DCC: variants seen among roughly 807,000 people sequenced by gnomAD.
The protein encoded by DCC is netrin receptor DCC.
Under a neutral mutation model 172.5 loss-of-function variants are expected in DCC, and 58 were observed. The ratio of observed to expected loss-of-function variants is 0.34; its 90% confidence interval spans 0.27 to 0.42. DCC has a LOEUF of 0.42. DCC is among the 10% of genes least tolerant of loss of function. The pLI, the probability that DCC is intolerant of heterozygous loss-of-function variation, is 1.00. For synonymous variants in DCC, 709 were observed against 644.5 expected, an observed-to-expected ratio of 1.10 and a Z score of -1.52; for missense variants, 1,740 against 1,791.0, an observed-to-expected ratio of 0.97 and a Z score of 0.51.
intron 7 of DCC, among the ~76,000 whole-genome samples, chr18:53,112,117 C>T (rs2043342248): frequency 1.3e-5 from 2 of 151,264 alleles, no homozygotes; most frequent in Admixed American, 6.6e-5. Flanking sequence ...AACCAAAAAG[C>T]CTTCTAAATA....
chr18:53,387,794 T>C (rs569385044), intron 16 of DCC, among the ~76,000 whole-genome samples: 2 of 152,174 alleles, frequency 1.3e-5, no homozygotes, highest in African/African-American at 2.4e-5. Context: ...GACTTGGCAC[T>C]TGTGATCAGG....
chr18:53,022,625 A>G (rs2041897739), intron 5 of DCC, among the ~76,000 whole-genome samples: 1 of 151,930 alleles, frequency 6.6e-6, no homozygotes, highest in African/African-American at 2.4e-5. Context: ...TTTAAAAATT[A>G]TTACCATATT....
chr18:52,414,231 C>T (rs1986940036), intron 1 of DCC, among the ~76,000 whole-genome samples: 1 of 152,074 alleles, frequency 6.6e-6, no homozygotes, highest in South Asian at 2.1e-4. Context: ...CAGGTGCCCG[C>T]CACCATGCCT....
intron 1 of DCC, among the ~76,000 whole-genome samples, chr18:52,656,641 C>T (rs2035260228): frequency 6.6e-6 from 1 of 152,176 alleles, no homozygotes; most frequent in Admixed American, 6.5e-5. Flanking sequence ...AACAGTGAGA[C>T]TTGCCACAGT....
intron 1 of DCC, among the ~76,000 whole-genome samples, chr18:52,341,327 C>T (rs1412107437): frequency 6.6e-6 from 1 of 151,994 alleles, no homozygotes; most frequent in African/African-American, 2.4e-5. Flanking sequence ...GGGGCTGAGT[C>T]GTTGGTGTGT....
chr18:53,332,956 G>A (rs750169090), intron 14 of DCC, among the ~76,000 whole-genome samples: 9 of 152,060 alleles, frequency 5.9e-5, no homozygotes, highest in Non-Finnish European at 1.0e-4. Context: ...TGTGGTCCTA[G>A]CTACTCAGGA....
chr18:53,156,900 T>A (rs2144395698), intron 7 of DCC, among the ~76,000 whole-genome samples: 1 of 152,352 alleles, frequency 6.6e-6, no homozygotes, highest in East Asian at 1.9e-4. Context: ...ATTAATTACT[T>A]AAAATGATTT....
At chr18:52,483,128 T>G (rs2030037181) in intron 1 of DCC, among the ~76,000 whole-genome samples, 1 of 152,094 alleles carries the variant, frequency 6.6e-6, no homozygotes, top group Admixed American at 6.6e-5. Context: ...TGGCCTTCTC[T>G]CCTGTATCTC....
chr18:52,387,015 G>A (rs1236579797), intron 1 of DCC, among the ~76,000 whole-genome samples: 1 of 152,082 alleles, frequency 6.6e-6, no homozygotes. Flanking sequence ...AAAGGGCAGA[G>A]TAGCTAAGGT....
chr18:52,983,190 G>C (rs551117938), intron 5 of DCC, among the ~76,000 whole-genome samples: 1 of 152,240 alleles, frequency 6.6e-6, no homozygotes, highest in African/African-American at 2.4e-5. Flanking sequence ...GCTTCCCCGG[G>C]TAATTTTTCC....
At chr18:52,989,240 T>C (rs2041343367) in intron 5 of DCC, among the ~76,000 whole-genome samples, 1 of 152,136 alleles carries the variant, frequency 6.6e-6, no homozygotes, top group South Asian at 2.1e-4. Context: ...ATTGTTTCCT[T>C]GGCTGGGTGT....
intron 5 of DCC, among the ~76,000 whole-genome samples, chr18:53,039,967 G>A (rs1404693061): frequency 1.3e-5 from 2 of 151,946 alleles, no homozygotes; most frequent in African/African-American, 4.8e-5. Context: ...ACATGTGGGT[G>A]CTCAGTGGGT....
In DCC at chr18:53,516,435, A is replaced by G. The variant is rs374332324; in HGVS notation, c.4112-10182A>G. Among the ~76,000 whole-genome samples, 124 of 138,894 alleles carry G rather than the reference A, an allele frequency of 8.9e-4. 8 individuals are homozygous for G. Among genetic ancestry groups the G allele is most frequent in the African/African-American group, 3.8e-3 (113 of 29,948 alleles). 91.1% of individuals were successfully genotyped at this position (138,894 alleles called of 152,430 possible). A position where few individuals can be genotyped will look rare whatever the true frequency, so the allele number is the denominator to read the frequency against. On this transcript the variant is annotated intron_variant, in intron 27 of 28. Coordinates refer to ENST00000442544, the MANE Select transcript of DCC (RefSeq NM_005215.4). The stretch of plus-strand genomic sequence containing the variant: ...ACACCAAAAGCAATGGCAACAAAAG[A>G]CAAAATTGACAAATGGGATCTAATT...
intron 1 of DCC, among the ~76,000 whole-genome samples, chr18:52,512,829 T>C (rs1208102817): frequency 6.6e-6 from 1 of 152,170 alleles, no homozygotes; most frequent in Admixed American, 6.5e-5. Context: ...GGTCCACATC[T>C]CATTAGATGT....
Position 53,103,009 on chromosome 18 carries a change from G to A in DCC, c.1261+36843G>A, listed in dbSNP as rs111990962. On this transcript the variant is annotated intron_variant, in intron 7 of 28. Coordinates refer to ENST00000442544, the MANE Select transcript of DCC (RefSeq NM_005215.4). ...AAACATGAAATGCTTAGGGTTAGTTGCTAAGGGATGGTTAGCTCACAGTTT... is the reference window on the plus strand; with the variant it reads ...AAACATGAAATGCTTAGGGTTAGTTACTAAGGGATGGTTAGCTCACAGTTT... 9.6e-3 allele frequency among the ~76,000 whole-genome samples: 1,465 copies of A among 152,198 alleles called. 33 individuals carry two copies. The highest frequency in any genetic ancestry group is 0.033 in the African/African-American group (1,362 of 41,552).
At chr18:52,397,285 C>T (rs972696862) in intron 1 of DCC, among the ~76,000 whole-genome samples, 1 of 151,972 alleles carries the variant, frequency 6.6e-6, no homozygotes, top group Non-Finnish European at 1.5e-5. Context: ...AGATCTGATG[C>T]TGCATTCTGG....
intron 1 of DCC, among the ~76,000 whole-genome samples, chr18:52,638,005 C>A (rs965073848): frequency 1.4e-4 from 22 of 152,148 alleles, no homozygotes; most frequent in African/African-American, 5.3e-4. Flanking sequence ...GGATTGGGGC[C>A]CTATCTTCAG....
chr18:52,573,590 T>TA (rs1315452296), intron 1 of DCC, among the ~76,000 whole-genome samples: 1 of 152,196 alleles, frequency 6.6e-6, no homozygotes, highest in Non-Finnish European at 1.5e-5. Context: ...TCATTTCTGT[T>TA]CGTTCTCTTT....
At chr18:52,541,308 C>T (rs578256588) in intron 1 of DCC, among the ~76,000 whole-genome samples, 1 of 152,206 alleles carries the variant, frequency 6.6e-6, no homozygotes, top group African/African-American at 2.4e-5. Flanking sequence ...AGCAATTGAG[C>T]TCAGAGCTGT....
Sources: gnomAD v4.1 joint callset for allele counts (sites outside exome capture counted in the v4.1 genomes callset) on GRCh38, gnomAD v4.1.1 for gene constraint, MANE v1.5 for transcripts, NCBI Gene and HGNC (gene_info 2026-07-23, HGNC 2026-07-21) for gene names.